The following PDZD8 variants were observed in gnomAD, a reference collection of about 807,000 sequenced individuals.
PDZD8 encodes the protein PDZ domain-containing protein 8.
In PDZD8, 14 loss-of-function variants were observed where a neutral mutation model predicts 85.8. That is an observed-to-expected ratio of 0.16 (90% CI 0.11 to 0.26). The LOEUF (loss-of-function observed/expected upper bound fraction) is 0.26. Among genes scored for constraint, PDZD8 ranks in the 10% least tolerant of loss-of-function variants. The pLI, the probability that PDZD8 is intolerant of heterozygous loss-of-function variation, is 1.00. For missense variants in PDZD8, 1,197 were observed against 1,424.3 expected, an observed-to-expected ratio of 0.84 and a Z score of 2.57; for synonymous variants, 592 against 568.6, an observed-to-expected ratio of 1.04 and a Z score of -0.59.
At position 117,375,343 on chromosome 10, in the gene PDZD8, G is replaced by T; in HGVS notation, c.-116C>A. 4.4e-6 allele frequency: 4 copies of T among 900,460 alleles called. No homozygotes were observed. Among genetic ancestry groups the T allele is most frequent in the Non-Finnish European group, 6.1e-6 (4 of 651,862 alleles). 55.8% of individuals were successfully genotyped at this position (900,460 alleles called of 1,614,324 possible). On this transcript the variant is annotated 5_prime_UTR_variant, in exon 1 of 5. Coordinates refer to ENST00000334464, the MANE Select transcript of PDZD8 (RefSeq NM_173791.5). ...ATCGGGCGGCTGGGTCGGGGCGAGC[G>T]GCTCCGTGGGCCTCGTCCAGGGGCT...
chr10:117,310,400 T>C (rs890156737), intron 3 of PDZD8, among the ~76,000 whole-genome samples: 10 of 152,200 alleles, frequency 6.6e-5, no homozygotes, highest in African/African-American at 2.2e-4. Context: ...TTACACCTCA[T>C]ACTCAGTTTC....
At chr10:117,352,294 G>A (rs947918439) in intron 1 of PDZD8, among the ~76,000 whole-genome samples, 5 of 152,190 alleles carry the variant, frequency 3.3e-5, no homozygotes, top group East Asian at 1.9e-4. Flanking sequence ...GCAGTTGAGC[G>A]TTCATGTTCT....
intron 3 of PDZD8, among the ~76,000 whole-genome samples, chr10:117,305,471 T>TAC (rs57037106): frequency 0.1 from 14,291 of 141,410 alleles, 672 homozygotes; most frequent in Middle Eastern, 0.15. Flanking sequence ...TACACACACA[T>TAC]ACACACACAC....
At chr10:117,323,986 G>C (rs1053689635) in intron 2 of PDZD8, among the ~76,000 whole-genome samples, 1 of 151,982 alleles carries the variant, frequency 6.6e-6, no homozygotes, top group Admixed American at 6.6e-5. Context: ...CCAGCACTTT[G>C]GGGGGCCAAG....
At chr10:117,329,839 G>T (rs547269919) in intron 2 of PDZD8, among the ~76,000 whole-genome samples, 2 of 151,060 alleles carry the variant, frequency 1.3e-5, no homozygotes, top group African/African-American at 4.9e-5. Flanking sequence ...CTAGCTACTC[G>T]GGAGGCTGAA....
intron 2 of PDZD8, among the ~76,000 whole-genome samples, chr10:117,334,076 G>T (rs1844475050): frequency 6.6e-6 from 1 of 152,172 alleles, no homozygotes; most frequent in Admixed American, 6.5e-5. Flanking sequence ...TTCTTCCACA[G>T]ATTGTAATTA....
At chr10:117,322,518 T>C (rs1203449404) in intron 2 of PDZD8, among the ~76,000 whole-genome samples, 1 of 152,138 alleles carries the variant, frequency 6.6e-6, no homozygotes, top group Non-Finnish European at 1.5e-5. Context: ...AGAGCTGCAG[T>C]TTTAAAAGTA....
In PDZD8 at chr10:117,277,388, GTTA is replaced by G; in HGVS notation, c.*5877_*5879del. The G allele has an allele frequency of 1.9e-6, 1 of 537,140 alleles. No homozygotes were observed. The highest frequency in any genetic ancestry group is 3.2e-6 in the Non-Finnish European group (1 of 315,462). 33.3% of individuals were successfully genotyped at this position (537,140 alleles called of 1,614,324 possible). A position where few individuals can be genotyped will look rare whatever the true frequency, so the allele number is the denominator to read the frequency against. On this transcript the variant is annotated 3_prime_UTR_variant, in exon 5 of 5. Transcript: ENST00000334464. ...CCCTGGTGAAAGAGTAAAACCAAAG[GTTA>G]TTATTTCCTTTCCATGGTTATGGTC... is the stretch of plus-strand genomic sequence containing the variant.
intron 3 of PDZD8, among the ~76,000 whole-genome samples, chr10:117,291,717 C>T (rs1216389951): frequency 6.6e-6 from 1 of 151,608 alleles, no homozygotes; most frequent in Non-Finnish European, 1.5e-5. Flanking sequence ...ATGAGATGTC[C>T]TATTCTAACC....
Position 117,341,011 on chromosome 10 carries a change from G to A in PDZD8, c.964C>T (p.Arg322Cys), listed in dbSNP as rs781676463. 22 of 1,613,800 alleles carry A rather than the reference G, an allele frequency of 1.4e-5. No individual in the cohort carries two copies. The highest frequency in any genetic ancestry group is 5.0e-5 in the Admixed American group (3 of 60,004). The change falls in exon 2 of 5, where the codon CGT (arginine) becomes TGT (cysteine). Residue 322 changes from arginine to cysteine, a missense_variant. Arg to Cys is a radical substitution (Grantham distance 180). Around this residue, in one of 4 missense-constraint regions of PDZD8, gnomAD observed 344 missense variants for 453.6 expected, o/e 0.76. Coordinates refer to ENST00000334464, the MANE Select transcript of PDZD8 (RefSeq NM_173791.5). ...HIQQWALTEG[R>C]LKVTLLECSR... is the part of the protein sequence containing the mutation. ...CATTCTAACAACGTAACTTTAAGAC[G>A]GCCTTCAGTAAGTGCCCATTGTTGT... is the stretch of plus-strand genomic sequence containing the variant.
rs377652399 is a variant in PDZD8 at position 117,346,805 on chromosome 10, C to T, written c.873-5703G>A. On this transcript the variant is annotated intron_variant, in intron 1 of 4. Transcript: ENST00000334464. ...AACCACGTACAGGCATCATGGCCGC[C>T]GCCAGGTGGAGGCCTCATTTGTATA... 9.2e-5 allele frequency among the ~76,000 whole-genome samples: 14 copies of T among 151,814 alleles called. 1 individual carries two copies. Among genetic ancestry groups the T allele is most frequent in the South Asian group, 6.2e-4 (3 of 4,804 alleles).
chr10:117,362,427 C>T (rs1168475625), intron 1 of PDZD8, among the ~76,000 whole-genome samples: 1 of 152,062 alleles, frequency 6.6e-6, no homozygotes, highest in African/African-American at 2.4e-5. Flanking sequence ...ATATACTAAA[C>T]CAACAAATCA....
chr10:117,335,126 G>T (rs1303078334), intron 2 of PDZD8, among the ~76,000 whole-genome samples: 4 of 152,180 alleles, frequency 2.6e-5, no homozygotes, highest in Non-Finnish European at 5.9e-5. Flanking sequence ...TAAAAGGTTG[G>T]AAAGCAGCCA....
In PDZD8 at chr10:117,370,598, T is replaced by C. The variant is rs1236501386; in HGVS notation, c.872+3758A>G. Among the ~76,000 whole-genome samples the C allele has an allele frequency of 2.0e-5, 3 of 152,264 alleles. No individual in the cohort carries two copies. In the East Asian group the frequency reaches 5.8e-4, roughly 29 times the overall value. ...GGCTCACACATGTAACCCCAGCACT[T>C]TGGGAGGCCGAGGTGGGTAGACTGC... On this transcript the variant is annotated intron_variant, in intron 1 of 4. Transcript: ENST00000334464.
rs1220594233 is a variant in PDZD8 at position 117,374,682 on chromosome 10, C to T, written c.546G>A (p.Leu182=). 1.3e-6 allele frequency: 2 copies of T among 1,592,018 alleles called. No homozygotes were observed. Among genetic ancestry groups the T allele is most frequent in the Non-Finnish European group, 1.7e-6 (2 of 1,169,776 alleles). The change falls in exon 1 of 5, where the codon CTG becomes CTA. Residue 182 remains leucine (L), a synonymous_variant. Transcript: ENST00000334464. This position sits in a 1 kb window ranked among gnomAD's most constrained non-coding sequence, Gnocchi z 7.8. ...CCAGCTCCTCGGGGCAGGCGGCGGG[C>T]AGCGCCTCCCCTTCAGGGCCATCGG... ...GEPDGPEGEA[L]PAACPEELAF...
In PDZD8 at chr10:117,375,308, T is replaced by C; in HGVS notation, c.-81A>G. The C allele has an allele frequency of 7.7e-7, 1 of 1,291,302 alleles. No individual in the cohort carries two copies. Among genetic ancestry groups the C allele is most frequent in the Non-Finnish European group, 1.0e-6 (1 of 983,762 alleles). 80.0% of individuals were successfully genotyped at this position (1,291,302 alleles called of 1,614,324 possible). On this transcript the variant is annotated 5_prime_UTR_variant, in exon 1 of 5. It removes an upstream start codon present in the reference 5' UTR. Coordinates refer to ENST00000334464, the MANE Select transcript of PDZD8 (RefSeq NM_173791.5). The stretch of plus-strand genomic sequence containing the variant: ...CACGCCGCCGCCCCCGCTGCCTCCA[T>C]TTTGAGGACATCGGGCGGCTGGGTC...
chr10:117,278,091 GGTT>G lies in PDZD8; in HGVS notation c.*5174_*5176del, dbSNP rs1360328822. On this transcript the variant is annotated 3_prime_UTR_variant, in exon 5 of 5. Transcript: ENST00000334464. ...GGGTACATGTACCTTATACTGTCAA[GGTT>G]GTTTAAACATGATAAGGTTAATCGC... 6.6e-6 allele frequency: 1 copy of G among 152,136 alleles called. No homozygotes were observed. The highest frequency in any genetic ancestry group is 2.4e-5 in the African/African-American group (1 of 41,428). 9.4% of individuals were successfully genotyped at this position (152,136 alleles called of 1,614,324 possible).
intron 2 of PDZD8, among the ~76,000 whole-genome samples, chr10:117,329,301 C>T (rs988453885): frequency 5.9e-5 from 9 of 152,180 alleles, no homozygotes; most frequent in East Asian, 1.9e-4. Context: ...TCTAAATTGC[C>T]GTCTATCTCC....
chr10:117,328,558 C>G (rs746583073), intron 2 of PDZD8, among the ~76,000 whole-genome samples: 1 of 152,008 alleles, frequency 6.6e-6, no homozygotes, highest in Non-Finnish European at 1.5e-5. Flanking sequence ...ACTACAGGCA[C>G]GAGCCACCAT....
Sources: allele counts gnomAD v4.1 joint callset (sites outside exome capture counted in the v4.1 genomes callset), GRCh38; gene constraint gnomAD v4.1.1; regional missense constraint gnomAD v4.1.1; non-coding constraint Gnocchi (gnomAD v3.1); transcripts MANE v1.5; gene names NCBI Gene and HGNC (gene_info 2026-07-23, HGNC 2026-07-21).